Variants in PKD1L3 observed in about 807,000 individuals in gnomAD.
The protein encoded by PKD1L3 is polycystin-1-like protein 3.
Under a neutral mutation model 184.1 loss-of-function variants are expected in PKD1L3, and 239 were observed. The ratio of observed to expected loss-of-function variants is 1.30; its 90% CI spans 1.17 to 1.45. PKD1L3 has a LOEUF of 1.45. PKD1L3 is among the 40% of genes most tolerant of loss of function. The probability of loss-of-function intolerance (pLI) is 0.00; values close to 1 mark genes in which losing one functional copy is unlikely to be tolerated. For missense variants in PKD1L3, 2,660 were observed against 2,067.2 expected (o/e 1.29, Z -5.56); for synonymous variants, 996 against 778.8 (o/e 1.28, Z -4.64).
intron 16 of PKD1L3, among the ~76,000 whole-genome samples, chr16:71,958,097 G>GAC (rs1436261425): frequency 6.6e-6 from 1 of 152,000 alleles, no homozygotes; most frequent in Non-Finnish European, 1.5e-5. Context: ...AGTAAAGATG[G>GAC]ACACACACGG....
chr16:71,954,352 G>A, intron 16 of PKD1L3, 51 bp from the exon 17 acceptor site: 1 of 1,403,992 alleles, frequency 7.1e-7, no homozygotes, highest in African/African-American at 1.4e-5. Context: ...TTCTGAAAGT[G>A]CACCAGTTTA....
In PKD1L3 at chr16:71,980,122, G is replaced by T; in HGVS notation, c.1156C>A (p.Leu386Met). ...KRHTEPVEDI[L>M]EMSLVEFGNI... is the part of the protein sequence containing the mutation. Reference sequence around the variant, plus strand: ...CCAAACTCCACCAAGGACATTTCCAGGATGTCTTCTACCTGCATGGAAAGG... The same window carrying T: ...CCAAACTCCACCAAGGACATTTCCATGATGTCTTCTACCTGCATGGAAAGG... Residue 386 changes from leucine (L) to methionine (M), a missense_variant, in exon 8 of 30, where the codon CTG (leucine) becomes ATG (methionine). Coordinates refer to ENST00000620267, the MANE Select transcript of PKD1L3 (RefSeq NM_181536.2). The T allele has an allele frequency of 6.4e-7, 1 of 1,551,536 alleles. No individual in the cohort carries two copies. Among genetic ancestry groups the T allele is most frequent in the Non-Finnish European group, 8.7e-7 (1 of 1,146,850 alleles).
chr16:71,978,600 C>T lies in PKD1L3; in HGVS notation c.1399-217G>A, dbSNP rs140715562. Among the ~76,000 whole-genome samples the T allele has an allele frequency of 4.1e-4, 60 of 148,144 alleles. 1 individual carries two copies. The East Asian group carries it at 0.011, about 27-fold the overall frequency. On this transcript the variant is annotated intron_variant, in intron 9 of 29. Transcript: ENST00000620267. The stretch of plus-strand genomic sequence containing the variant: ...TGTCAATCAGGATGGAGTGCAGTGG[C>T]ACAACCTCAGCTCACTGCAATCTCC...
chr16:71,973,576 C>T, intron 11 of PKD1L3, 59 bp from the exon 12 acceptor site: 2 of 1,397,814 alleles, frequency 1.4e-6, no homozygotes, highest in Non-Finnish European at 9.8e-7. Flanking sequence ...ACCAATGAAC[C>T]TCTCTTCTAA....
chr16:71,985,748 A>T (rs1340216763), intron 5 of PKD1L3, among the ~76,000 whole-genome samples: 5 of 152,132 alleles, frequency 3.3e-5, no homozygotes, highest in Admixed American at 1.3e-4. Context: ...TTTGAACTTT[A>T]GTAGAGAAAG....
At chr16:71,993,647 A>C (rs2040677623) in intron 2 of PKD1L3, among the ~76,000 whole-genome samples, 1 of 152,204 alleles carries the variant, frequency 6.6e-6, no homozygotes, top group Non-Finnish European at 1.5e-5. Flanking sequence ...GGTCATCGCC[A>C]GGGTCTGATT....
At chr16:71,946,113 C>T (rs2143291900) in intron 22 of PKD1L3, among the ~76,000 whole-genome samples, 1 of 152,286 alleles carries the variant, frequency 6.6e-6, no homozygotes, top group African/African-American at 2.4e-5. Flanking sequence ...CATGCACCAC[C>T]ACACCCAGCT....
intron 8 of PKD1L3, 43 bp downstream of exon 8, chr16:71,979,964 G>C (rs937687695): frequency 3.9e-6 from 6 of 1,549,690 alleles, no homozygotes; most frequent in Admixed American, 2.0e-5. Context: ...CTCTGAAAGT[G>C]AAAAACACAG....
chr16:71,991,041 T>A (rs1868706095), intron 3 of PKD1L3: 1 of 152,466 alleles, frequency 6.6e-6, no homozygotes, highest in South Asian at 2.0e-4. Flanking sequence ...AAAAAATGCC[T>A]GAACATATGG....
chr16:71,947,736 T>A (rs1190393179), intron 21 of PKD1L3, 145 bp from the exon 22 acceptor site: 2 of 598,650 alleles, frequency 3.3e-6, no homozygotes, highest in African/African-American at 1.9e-5. Context: ...TCACATTAAT[T>A]TTTGCACAAT....
intron 22 of PKD1L3, among the ~76,000 whole-genome samples, chr16:71,947,116 G>C (rs1008339305): frequency 2.0e-5 from 3 of 152,006 alleles, no homozygotes; most frequent in Non-Finnish European, 2.9e-5. Flanking sequence ...AAATTAGCCA[G>C]GCATGGTGGC....
intron 11 of PKD1L3, among the ~76,000 whole-genome samples, chr16:71,974,888 T>C (rs1184231499): frequency 6.6e-6 from 1 of 151,236 alleles, no homozygotes; most frequent in African/African-American, 2.4e-5. Context: ...GTATGGAAGG[T>C]GGTCATGACG....
At chr16:71,968,858 T>A (rs1335376983) in intron 13 of PKD1L3, among the ~76,000 whole-genome samples, 4 of 147,314 alleles carry the variant, frequency 2.7e-5, no homozygotes, top group African/African-American at 7.5e-5. Flanking sequence ...GGCCTCCCAG[T>A]GTGCTGGGAT....
intron 4 of PKD1L3, among the ~76,000 whole-genome samples, chr16:71,989,143 C>T (rs951119282): frequency 2.6e-5 from 4 of 152,058 alleles, no homozygotes; most frequent in South Asian, 4.2e-4. Context: ...GTGGGAAATA[C>T]TGAGGGTTTT....
intron 24 of PKD1L3, among the ~76,000 whole-genome samples, chr16:71,940,916 A>C (rs1410686404): frequency 6.6e-6 from 1 of 151,850 alleles, no homozygotes; most frequent in Non-Finnish European, 1.5e-5. Flanking sequence ...GCTCACTACA[A>C]CCTTTGATTC....
chr16:71,976,365 T>C (rs1048128962), intron 11 of PKD1L3, among the ~76,000 whole-genome samples: 1 of 148,796 alleles, frequency 6.7e-6, no homozygotes. Context: ...AAGCAATTCT[T>C]CTGCCTCAGC....
At position 71,983,660 on chromosome 16, in the gene PKD1L3, TTTC is replaced by T. The variant is rs1156860080; in HGVS notation, c.966+373_966+375del. On this transcript the variant is annotated intron_variant, in intron 6 of 29. Transcript: ENST00000620267. ...CATAAGGCACAATCTCCAGATTCTC[TTTC>T]TTTTTTTTTTTTTTTTTTTTTTGGA... is the stretch of plus-strand genomic sequence containing the variant. Among the ~76,000 whole-genome samples, 76 of 50,188 alleles carry T rather than the reference TTTC, an allele frequency of 1.5e-3. 2 individuals are homozygous for T. Among genetic ancestry groups the T allele is most frequent in the African/African-American group, 2.6e-3 (29 of 11,278 alleles). 32.9% of individuals were successfully genotyped at this position (50,188 alleles called of 152,430 possible).
intron 15 of PKD1L3, among the ~76,000 whole-genome samples, chr16:71,966,902 T>C (rs2039520282): frequency 6.6e-6 from 1 of 152,178 alleles, no homozygotes; most frequent in Admixed American, 6.6e-5. Flanking sequence ...TTAATGAAAA[T>C]GAGATTAGAG....
At chr16:71,988,336 G>T (rs542395641) in intron 4 of PKD1L3, among the ~76,000 whole-genome samples, 1 of 152,042 alleles carries the variant, frequency 6.6e-6, no homozygotes, top group Non-Finnish European at 1.5e-5. Context: ...CTGGGATTAC[G>T]GGCACCTGCC....
Sources: allele counts gnomAD v4.1 joint callset (sites outside exome capture counted in the v4.1 genomes callset), GRCh38; gene constraint gnomAD v4.1.1; transcripts MANE v1.5; gene names NCBI Gene and HGNC (gene_info 2026-07-23, HGNC 2026-07-21).